MROH2A: variants seen among roughly 807,000 people sequenced by gnomAD.
MROH2A encodes the protein maestro heat like repeat family member 2A, also known as maestro heat-like repeat-containing protein family member 2A.
Under a neutral mutation model 200.4 loss-of-function variants are expected in MROH2A, and 174 were observed. That is an observed-to-expected ratio of 0.87 (90% CI 0.77 to 0.98). The LOEUF is 0.98. MROH2A is among the 50% of genes least tolerant of loss of function. MROH2A has a pLI of 0.00. For synonymous variants in MROH2A, 829 were observed against 840.4 expected, an observed-to-expected ratio of 0.99 and a Z score of 0.23; for missense variants, 2,045 against 2,139.6, an observed-to-expected ratio of 0.96 and a Z score of 0.87.
At chr2:233,777,098 A>G (rs1315206425), upstream of MROH2A, among the ~76,000 whole-genome samples, 1 of 152,224 alleles carries the variant, frequency 6.6e-6, no homozygotes, top group Non-Finnish European at 1.5e-5. Flanking sequence ...AGACCCACGC[A>G]GGTGACTCAT....
intron 3 of MROH2A, among the ~76,000 whole-genome samples, chr2:233,788,710 G>A (rs984654888): frequency 3.3e-5 from 5 of 151,964 alleles, no homozygotes; most frequent in Admixed American, 6.6e-5. Flanking sequence ...GGCCGAGGCC[G>A]GCAGATCACG....
chr2:233,792,306 T>A (rs1227380703), intron 5 of MROH2A, among the ~76,000 whole-genome samples: 2 of 150,836 alleles, frequency 1.3e-5, no homozygotes, highest in Non-Finnish European at 2.9e-5. Context: ...GTCACCTGCT[T>A]CTAGCTCACT....
intron 22 of MROH2A, among the ~76,000 whole-genome samples, chr2:233,810,288 T>G (rs562204630): frequency 6.6e-4 from 101 of 152,314 alleles, no homozygotes; most frequent in African/African-American, 2.3e-3. Flanking sequence ...TCCACATGAC[T>G]AGGGTGGCCT....
chr2:233,792,739 T>A, intron 5 of MROH2A, 57 bp from the exon 6 acceptor site: 1 of 1,136,974 alleles, frequency 8.8e-7, no homozygotes, highest in South Asian at 1.3e-5. Flanking sequence ...CCTCTCTGCC[T>A]TCTCTCTGCT....
rs1386564465 is a variant in MROH2A at position 233,822,365 on chromosome 2, C to T, written c.3675C>T (p.Thr1225=). The T allele has an allele frequency of 3.2e-6, 5 of 1,550,804 alleles. No individual in the cohort carries two copies. In the South Asian group the frequency reaches 3.6e-5, roughly 11 times the overall value. Residue 1225 remains threonine (T), a splice_region_variant and synonymous_variant, in exon 33 of 42, where the codon ACC becomes ACT. Transcript: ENST00000389758. ...WRLAAVDPLM[T]LCTIHLLIQK... ...TGCCCTGGACCTTCTCTCTGCAGACCCTGTGCACCATCCACCTTCTCATTC... is the reference window on the plus strand; with the variant it reads ...TGCCCTGGACCTTCTCTCTGCAGACTCTGTGCACCATCCACCTTCTCATTC...
intron 37 of MROH2A, 86 bp from the exon 38 acceptor site, chr2:233,829,534 G>C: frequency 7.8e-7 from 1 of 1,278,246 alleles, no homozygotes; most frequent in African/African-American, 1.6e-5. Flanking sequence ...CAGGGACCAA[G>C]GCATTGGGTA....
In MROH2A at chr2:233,779,986, G is replaced by A. The variant is rs1447455042; in HGVS notation, c.276+134G>A. ...ATACAGAGATGGGCAAGACTGTGAG[G>A]TGCTTACTCCCTGAGGACCAATTGG... is the stretch of plus-strand genomic sequence containing the variant. On this transcript the variant is annotated intron_variant, in intron 3 of 41. Coordinates refer to ENST00000389758, the MANE Select transcript of MROH2A (RefSeq NM_001394639.1). 13 of 762,410 alleles carry A rather than the reference G, an allele frequency of 1.7e-5. No individual in the cohort carries two copies. In the Admixed American group the frequency reaches 3.8e-4, roughly 22 times the overall value. 47.2% of individuals were successfully genotyped at this position (762,410 alleles called of 1,614,324 possible). A position where few individuals can be genotyped will look rare whatever the true frequency, so the allele number is the denominator to read the frequency against.
intron 31 of MROH2A, 52 bp from the exon 32 acceptor site, chr2:233,822,072 G>T (rs1703974114): frequency 6.6e-7 from 1 of 1,515,064 alleles, no homozygotes; most frequent in African/African-American, 1.4e-5. Context: ...ATTCTTACCT[G>T]CCAGGGCACA....
intron 22 of MROH2A, among the ~76,000 whole-genome samples, 182 bp downstream of exon 22, chr2:233,809,460 A>AG (rs1703013499): frequency 6.8e-6 from 1 of 146,756 alleles, no homozygotes; most frequent in Admixed American, 6.7e-5. Flanking sequence ...TGTCATGCAG[A>AG]GGGGCTGGGG....
intron 5 of MROH2A, among the ~76,000 whole-genome samples, chr2:233,792,502 C>T (rs775612252): frequency 5.9e-5 from 9 of 151,990 alleles, no homozygotes; most frequent in African/African-American, 9.7e-5. Context: ...TTAGTAGAGA[C>T]GGGGTTTCAA....
chr2:233,822,609 A>C, intron 33 of MROH2A, 53 bp downstream of exon 33: 1 of 1,519,998 alleles, frequency 6.6e-7, no homozygotes. Flanking sequence ...GGCTGTAGCC[A>C]CGGGCTGCCC....
In MROH2A at chr2:233,832,813, C is replaced by T. The variant is rs753570111; in HGVS notation, c.4903+169C>T. Reference sequence around the variant, plus strand: ...TGCACCTGGGGAGGCCTTTCCAGGACGACAGCTATTGATGGGTGGAGTCCC... The same window carrying T: ...TGCACCTGGGGAGGCCTTTCCAGGATGACAGCTATTGATGGGTGGAGTCCC... On this transcript the variant is annotated intron_variant, in intron 41 of 41. Transcript: ENST00000389758. Among the ~76,000 whole-genome samples, 8 of 152,240 alleles carry T rather than the reference C, an allele frequency of 5.3e-5. No homozygotes were observed. In the South Asian group the frequency reaches 8.3e-4, roughly 16 times the overall value.
intron 27 of MROH2A, 137 bp from the exon 28 acceptor site, chr2:233,817,865 T>C: frequency 9.6e-7 from 1 of 1,043,272 alleles, no homozygotes; most frequent in Non-Finnish European, 1.4e-6. Flanking sequence ...GGACAGACAG[T>C]GGCACCCTCC....
chr2:233,827,766 C>T (rs1472371176), intron 35 of MROH2A, among the ~76,000 whole-genome samples: 1 of 151,742 alleles, frequency 6.6e-6, no homozygotes, highest in Non-Finnish European at 1.5e-5. Flanking sequence ...GTTTAAGAAG[C>T]AAGCTATTTA....
At chr2:233,821,425 A>G (rs576096027) in intron 31 of MROH2A, among the ~76,000 whole-genome samples, 1 of 151,900 alleles carries the variant, frequency 6.6e-6, no homozygotes, top group East Asian at 1.9e-4. Flanking sequence ...CAAACTCACC[A>G]CCCTGCTCTT....
rs1485490889 is a variant in MROH2A at position 233,828,845 on chromosome 2, C to T, written c.4264-45C>T. Reference sequence around the variant, plus strand: ...GGTGCAGGCCGGGTGCCCTGGTCAGCCTGGGAGGGAGGGTGCAGGCTGAGG... The same window carrying T: ...GGTGCAGGCCGGGTGCCCTGGTCAGTCTGGGAGGGAGGGTGCAGGCTGAGG... On this transcript the variant is annotated intron_variant, in intron 36 of 41. Transcript: ENST00000389758. The surrounding 1 kb of genome is among the most constrained non-coding windows in gnomAD (Gnocchi z 4.6). 4.5e-6 allele frequency: 7 copies of T among 1,549,638 alleles called. No individual in the cohort carries two copies. In the African/African-American group the frequency reaches 8.2e-5, roughly 18 times the overall value.
chr2:233,811,189 T>A (rs990643688), intron 23 of MROH2A, among the ~76,000 whole-genome samples: 2 of 152,220 alleles, frequency 1.3e-5, no homozygotes, highest in African/African-American at 4.8e-5. Flanking sequence ...TAAGGCCTGA[T>A]AGACAGAGAT....
intron 38 of MROH2A, among the ~76,000 whole-genome samples, chr2:233,830,899 G>T (rs151308301): frequency 2.4e-4 from 37 of 152,356 alleles, no homozygotes; most frequent in Admixed American, 4.6e-4. Flanking sequence ...TGTCCAGTGG[G>T]GTGGGGGGGC....
In MROH2A at chr2:233,807,626, TTGTGTGTGTGTGTGTACA is replaced by T; in HGVS notation, c.2172+95_2173-79del. 2.1e-6 allele frequency: 3 copies of T among 1,460,892 alleles called. No individual in the cohort carries two copies. Among genetic ancestry groups the T allele is most frequent in the Non-Finnish European group, 2.8e-6 (3 of 1,080,724 alleles). The allele number at this position is 1,460,892 out of a possible 1,614,324, so 90.5% of individuals were successfully genotyped here. A position where few individuals can be genotyped will look rare whatever the true frequency, so the allele number is the denominator to read the frequency against. ...GTGTGTTCATGTGGCTGCATGCGTT[TTGTGTGTGTGTGTGTACA>T]TGTGTGTGTGCCTTGCACGTGTGTG... On this transcript the variant is annotated intron_variant, in intron 20 of 41. Transcript: ENST00000389758. This position sits in a 1 kb window ranked among gnomAD's most constrained non-coding sequence, Gnocchi z 4.3.
Sources: gnomAD v4.1 joint callset for allele counts (sites outside exome capture counted in the v4.1 genomes callset) on GRCh38, gnomAD v4.1.1 for gene constraint, Gnocchi (gnomAD v3.1) non-coding constraint, MANE v1.5 for transcripts, NCBI Gene and HGNC (gene_info 2026-07-23, HGNC 2026-07-21) for gene names.